GPC5: variants seen among roughly 807,000 people sequenced by gnomAD.
GPC5 encodes glypican 5.
GPC5 carries 47 observed loss-of-function variants against 53.9 expected under a neutral mutation model. The ratio of observed to expected loss-of-function variants is 0.87; its 90% CI spans 0.69 to 1.11. The LOEUF is 1.11. Ranked by LOEUF, GPC5 falls within the 50% of genes most tolerant of loss-of-function variation. GPC5 has a pLI of 0.00. For synonymous variants in GPC5, 286 were observed against 263.3 expected (o/e 1.09, Z -0.84); for missense variants, 748 against 713.1 (o/e 1.05, Z -0.56).
intron 4 of GPC5, among the ~76,000 whole-genome samples, chr13:91,729,044 G>A (rs1566642991): frequency 6.6e-6 from 1 of 152,132 alleles, no homozygotes; most frequent in African/African-American, 2.4e-5. Flanking sequence ...TTGTAAATAT[G>A]GCTAGTGGCT....
At chr13:92,714,387 A>G (rs1238464884) in intron 7 of GPC5, among the ~76,000 whole-genome samples, 1 of 152,218 alleles carries the variant, frequency 6.6e-6, no homozygotes, top group Non-Finnish European at 1.5e-5. Flanking sequence ...CCAGATAACC[A>G]TGGATCTTTG....
intron 7 of GPC5, among the ~76,000 whole-genome samples, chr13:92,797,097 G>A (rs1233131187): frequency 1.1e-4 from 17 of 151,860 alleles, no homozygotes; most frequent in African/African-American, 3.9e-4. Context: ...GCACTTTGAG[G>A]TAGAGAGACC....
chr13:92,355,880 T>C (rs953216811), intron 7 of GPC5, among the ~76,000 whole-genome samples: 17 of 123,606 alleles, frequency 1.4e-4, no homozygotes, highest in South Asian at 2.6e-4. Context: ...ATTGACCCTA[T>C]CATTTTTTTT....
intron 7 of GPC5, among the ~76,000 whole-genome samples, chr13:92,602,003 A>G (rs1463086723): frequency 1.3e-5 from 2 of 151,298 alleles, no homozygotes; most frequent in Non-Finnish European, 2.9e-5. Context: ...TGGCGGCAGA[A>G]ATTTTAGCAT....
At chr13:92,399,986 G>A (rs1171706388) in intron 7 of GPC5, among the ~76,000 whole-genome samples, 2 of 152,160 alleles carry the variant, frequency 1.3e-5, no homozygotes, top group Non-Finnish European at 1.5e-5. Flanking sequence ...TTTGTGGTCA[G>A]ATATTGGTGG....
intron 5 of GPC5, among the ~76,000 whole-genome samples, chr13:91,803,093 T>G (rs2038162076): frequency 6.6e-6 from 1 of 152,134 alleles, no homozygotes; most frequent in Non-Finnish European, 1.5e-5. Flanking sequence ...AATTTGAAGA[T>G]GGGTTGCTTA....
At chr13:91,485,782 A>C (rs1234069768) in intron 2 of GPC5, 1 of 152,228 alleles carries the variant, frequency 6.6e-6, no homozygotes, top group Non-Finnish European at 1.5e-5. Context: ...AAAATGGAGA[A>C]GTTAAAGTTT....
chr13:91,730,456 G>A (rs928065447), intron 4 of GPC5, among the ~76,000 whole-genome samples: 2 of 151,936 alleles, frequency 1.3e-5, no homozygotes, highest in Non-Finnish European at 2.9e-5. Context: ...ACTTCTATTC[G>A]AGCCTAGTCT....
At chr13:92,485,306 AT>A (rs1169040489) in intron 7 of GPC5, among the ~76,000 whole-genome samples, 1 of 152,210 alleles carries the variant, frequency 6.6e-6, no homozygotes, top group African/African-American at 2.4e-5. Context: ...TACTAATTAA[AT>A]GTTATTAATT....
chr13:92,450,286 T>C (rs933453459), intron 7 of GPC5, among the ~76,000 whole-genome samples: 7 of 152,186 alleles, frequency 4.6e-5, no homozygotes, highest in African/African-American at 1.7e-4. Context: ...TTTCATATGT[T>C]AGATTGATGC....
chr13:92,056,364 C>A (rs1033506198), intron 6 of GPC5, among the ~76,000 whole-genome samples: 6 of 152,188 alleles, frequency 3.9e-5, no homozygotes, highest in Non-Finnish European at 8.8e-5. Context: ...AGGTTAATCT[C>A]CTCATCTCAA....
chr13:91,691,705 TG>T lies in GPC5; in HGVS notation c.326-1481del, dbSNP rs549216138. On this transcript the variant is annotated intron_variant, in intron 2 of 7. Transcript: ENST00000377067. ...TCATGATATTGCGTTGTTATTTATTTGTACTTGGACTCTGTGGCATATTCAT... is the reference window on the plus strand; with the variant it reads ...TCATGATATTGCGTTGTTATTTATTTTACTTGGACTCTGTGGCATATTCAT... Among the ~76,000 whole-genome samples, 32 of 152,320 alleles carry T rather than the reference TG, an allele frequency of 2.1e-4. No homozygotes were observed. The South Asian group carries it at 5.0e-3, about 24-fold the overall frequency.
At chr13:92,202,353 T>G (rs2042301429) in intron 7 of GPC5, among the ~76,000 whole-genome samples, 1 of 152,212 alleles carries the variant, frequency 6.6e-6, no homozygotes, top group Non-Finnish European at 1.5e-5. Context: ...GTTATTTTGA[T>G]TAGTGTTTAT....
chr13:91,642,346 C>CAGTGAAG (rs2034450190), intron 2 of GPC5, among the ~76,000 whole-genome samples: 1 of 152,136 alleles, frequency 6.6e-6, no homozygotes, highest in Non-Finnish European at 1.5e-5. Context: ...GGCGTAAACA[C>CAGTGAAG]AGTGAAGAGA....
intron 6 of GPC5, among the ~76,000 whole-genome samples, chr13:91,967,248 C>G (rs931554681): frequency 5.9e-5 from 9 of 152,226 alleles, no homozygotes; most frequent in Admixed American, 1.3e-4. Context: ...AAAACTGCCC[C>G]ATGATTCAAT....
At chr13:92,251,017 G>A (rs931514152) in intron 7 of GPC5, among the ~76,000 whole-genome samples, 1 of 152,034 alleles carries the variant, frequency 6.6e-6, no homozygotes, top group Non-Finnish European at 1.5e-5. Flanking sequence ...CCTATGTTAA[G>A]GATTCTACAT....
intron 7 of GPC5, among the ~76,000 whole-genome samples, chr13:92,354,916 G>A (rs1006278160): frequency 6.6e-6 from 1 of 152,052 alleles, no homozygotes; most frequent in African/African-American, 2.4e-5. Flanking sequence ...GATGAAGGGA[G>A]ATGGAATTGA....
At position 92,573,562 on chromosome 13, in the gene GPC5, T is replaced by C. The variant is rs1883099791; in HGVS notation, c.1562-292720T>C. Among the ~76,000 whole-genome samples the C allele has an allele frequency of 2.0e-5, 3 of 152,316 alleles. No homozygotes were observed. The South Asian group carries it at 6.2e-4, about 32-fold the overall frequency. On this transcript the variant is annotated intron_variant, in intron 7 of 7. Coordinates refer to ENST00000377067, the MANE Select transcript of GPC5 (RefSeq NM_004466.6). The stretch of plus-strand genomic sequence containing the variant: ...ATTTACTCTGTGCTAATGAATGGGA[T>C]GGATTCCTTTCTCCCGAACAGTGAG...
At chr13:92,495,118 A>T (rs1879921553) in intron 7 of GPC5, among the ~76,000 whole-genome samples, 1 of 152,246 alleles carries the variant, frequency 6.6e-6, no homozygotes, top group African/African-American at 2.4e-5. Context: ...TCGTCAGTCT[A>T]GAAAGGTAAC....
Sources: allele counts gnomAD v4.1 joint callset (sites outside exome capture counted in the v4.1 genomes callset), GRCh38; gene constraint gnomAD v4.1.1; transcripts MANE v1.5; gene names NCBI Gene and HGNC (gene_info 2026-07-23, HGNC 2026-07-21).